FAF1: variants seen among roughly 807,000 people sequenced by gnomAD.
FAF1 encodes the protein Fas associated factor 1, also known as FAS-associated factor 1.
FAF1 carries 25 observed loss-of-function variants against 92.5 expected under a neutral mutation model. That is an observed-to-expected ratio of 0.27 (90% CI 0.20 to 0.38). FAF1 has a LOEUF of 0.38. Among genes scored for constraint, FAF1 ranks in the 10% least tolerant of loss-of-function variants. FAF1 has a pLI of 1.00. For synonymous variants in FAF1, 234 were observed against 273.2 expected (o/e 0.86, Z 1.42); for missense variants, 636 against 793.3 (o/e 0.80, Z 2.38).
chr1:50,498,709 G>C (rs1160838605), intron 15 of FAF1, among the ~76,000 whole-genome samples: 1 of 152,112 alleles, frequency 6.6e-6, no homozygotes, highest in African/African-American at 2.4e-5. Context: ...AATTACCTGG[G>C]TGTGGGGGCG....
intron 6 of FAF1, among the ~76,000 whole-genome samples, chr1:50,723,137 A>G (rs916235537): frequency 1.3e-5 from 2 of 152,174 alleles, no homozygotes; most frequent in Admixed American, 6.5e-5. Context: ...GTGGTGGCTC[A>G]CGCTTGTAAT....
chr1:50,740,744 C>T (rs1450233575), intron 5 of FAF1, among the ~76,000 whole-genome samples: 1 of 152,040 alleles, frequency 6.6e-6, no homozygotes, highest in Non-Finnish European at 1.5e-5. Flanking sequence ...TACAATTTAC[C>T]AGGAGACATG....
intron 4 of FAF1, among the ~76,000 whole-genome samples, chr1:50,786,138 A>G (rs1661355872): frequency 6.6e-6 from 1 of 152,090 alleles, no homozygotes; most frequent in African/African-American, 2.4e-5. Flanking sequence ...TCTCAAAAAA[A>G]AAAAAAAATC....
rs368159726 is a variant in FAF1 at position 50,571,352 on chromosome 1, G to T, written c.1114-4121C>A. ...TCTCCAAGCTTTAAAGTAACAGAGA[G>T]CTCTGTTCTAAATCCAGTTCTGCCA... On this transcript the variant is annotated intron_variant, in intron 12 of 18. Transcript: ENST00000396153. 2.0e-4 allele frequency among the ~76,000 whole-genome samples: 31 copies of T among 152,276 alleles called. 1 individual carries two copies. In the East Asian group the frequency reaches 3.9e-3, roughly 19 times the overall value.
chr1:50,637,375 C>T (rs1482851506), intron 8 of FAF1, among the ~76,000 whole-genome samples: 2 of 150,314 alleles, frequency 1.3e-5, no homozygotes, highest in Non-Finnish European at 3.0e-5. Context: ...ATCGCTTGAA[C>T]TTGGGAGGTG....
chr1:50,907,383 C>T (rs181578068), intron 1 of FAF1, among the ~76,000 whole-genome samples: 11 of 152,228 alleles, frequency 7.2e-5, no homozygotes, highest in Middle Eastern at 3.4e-3. Context: ...ATCAGGATGA[C>T]GCTGGCCTCA....
intron 15 of FAF1, among the ~76,000 whole-genome samples, chr1:50,533,454 T>C (rs529217605): frequency 2.0e-5 from 3 of 152,324 alleles, no homozygotes; most frequent in South Asian, 4.1e-4. Flanking sequence ...ATTTATTCAA[T>C]TGCTTAACAA....
At chr1:50,685,669 TTA>T (rs1656627016) in intron 7 of FAF1, among the ~76,000 whole-genome samples, 1 of 152,172 alleles carries the variant, frequency 6.6e-6, no homozygotes, top group South Asian at 2.1e-4. Context: ...TTGTTCAGCT[TTA>T]TGTGTACAAG....
At chr1:50,641,290 T>C (rs1314494582) in intron 8 of FAF1, among the ~76,000 whole-genome samples, 3 of 152,214 alleles carry the variant, frequency 2.0e-5, no homozygotes, top group Non-Finnish European at 2.9e-5. Context: ...GATTATTTCA[T>C]TGACATTGGA....
chr1:50,687,373 A>T (rs977765656), intron 7 of FAF1, among the ~76,000 whole-genome samples: 8 of 151,080 alleles, frequency 5.3e-5, no homozygotes, highest in African/African-American at 1.9e-4. Flanking sequence ...AAAAAAAAAA[A>T]CCCAACCTGA....
At position 50,738,954 on chromosome 1, in the gene FAF1, T is replaced by C. The variant is rs1397711339; in HGVS notation, c.460A>G (p.Thr154Ala). The C allele has an allele frequency of 2.5e-6, 4 of 1,572,706 alleles. No individual in the cohort carries two copies. Among genetic ancestry groups the C allele is most frequent in the Non-Finnish European group, 3.5e-6 (4 of 1,155,624 alleles). Residue 154 changes from threonine to alanine, a missense_variant and splice_region_variant, in exon 6 of 19, where the codon ACG becomes GCG. Physicochemically the swap from Thr to Ala is moderately conservative, Grantham distance 58. Coordinates refer to ENST00000396153, the MANE Select transcript of FAF1 (RefSeq NM_007051.3). The part of the protein sequence containing the change: ...GWKTGDVEDS[T>A]VLKSLHLPKN... ...GGCAAGTGTAGAGATTTTAGGACCG[T>C]CTGAAAAAGAAAAAACACAGCAAAA...
rs372485951 is a variant in FAF1, at chr1:50,788,118, C to G, written c.249G>C (p.Ala83=). Residue 83 remains alanine, a synonymous_variant, in exon 4 of 19, where the codon GCG becomes GCC. Coordinates refer to ENST00000396153, the MANE Select transcript of FAF1 (RefSeq NM_007051.3). ...ASAPTSSSSS[A]FRPVMPSRQI... ...GCCTGGATGGCATTACAGGTCGAAA[C>G]GCTGAAGAAGAAGAGGAAGTAGGAG... The G allele has an allele frequency of 2.5e-6, 4 of 1,614,094 alleles. No individual in the cohort carries two copies. Among genetic ancestry groups the G allele is most frequent in the Non-Finnish European group, 3.4e-6 (4 of 1,180,008 alleles).
chr1:50,606,444 T>C (rs565477805), intron 8 of FAF1, among the ~76,000 whole-genome samples: 116 of 150,004 alleles, frequency 7.7e-4, no homozygotes, highest in African/African-American at 2.3e-3. Context: ...AGTGCCAACC[T>C]GTGGAGAGCA....
intron 13 of FAF1, among the ~76,000 whole-genome samples, chr1:50,555,292 C>T (rs1026132616): frequency 6.1e-5 from 9 of 146,532 alleles, no homozygotes; most frequent in Non-Finnish European, 1.2e-4. Context: ...CACACACACA[C>T]ACCCCCCAAA....
chr1:50,533,983 T>C (rs1648326219), intron 15 of FAF1, among the ~76,000 whole-genome samples: 1 of 152,202 alleles, frequency 6.6e-6, no homozygotes, highest in Admixed American at 6.5e-5. Context: ...TAGATAATCA[T>C]ACCAATCTGT....
At chr1:50,581,715 A>AGAG (rs898241136) in intron 12 of FAF1, among the ~76,000 whole-genome samples, 2 of 152,174 alleles carry the variant, frequency 1.3e-5, no homozygotes, top group Non-Finnish European at 2.9e-5. Flanking sequence ...GGTAAGTTTC[A>AGAG]GAGGAGGAGG....
chr1:50,875,053 T>C (rs1644559339), intron 1 of FAF1, among the ~76,000 whole-genome samples: 1 of 151,996 alleles, frequency 6.6e-6, no homozygotes, highest in Admixed American at 6.5e-5. Context: ...TATACCACCA[T>C]GTTTTTTATA....
chr1:50,632,099 G>A (rs1274739921), intron 8 of FAF1, among the ~76,000 whole-genome samples: 1 of 152,148 alleles, frequency 6.6e-6, no homozygotes, highest in Non-Finnish European at 1.5e-5. Flanking sequence ...GGGGACTACT[G>A]TATATCAAAG....
chr1:50,490,454 AGG>A (rs1360336620), intron 17 of FAF1, 132 bp downstream of exon 17: 15,454 of 322,502 alleles, frequency 0.048, 1,246 homozygotes, highest in African/African-American at 0.093. Context: ...GAAGGAAGGA[AGG>A]AAGGAAAAAG....
Sources: allele counts gnomAD v4.1 joint callset (sites outside exome capture counted in the v4.1 genomes callset), GRCh38; gene constraint gnomAD v4.1.1; transcripts MANE v1.5; gene names NCBI Gene and HGNC (gene_info 2026-07-23, HGNC 2026-07-21).